CIMAP3: variants seen among roughly 807,000 people sequenced by gnomAD.
CIMAP3 encodes ciliary microtubule-associated protein 3.
chr1:111,326,967 A>T, the CIMAP3 span, among the ~76,000 whole-genome samples: 2 of 151,874 alleles, frequency 1.3e-5, no homozygotes, highest in Non-Finnish European at 2.9e-5. Context: ...GAGTTGTTTT[A>T]CTTCCTTGTA....
At chr1:111,329,464 C>A in the CIMAP3 span, among the ~76,000 whole-genome samples, 1 of 146,634 alleles carries the variant, frequency 6.8e-6, no homozygotes, top group Non-Finnish European at 1.5e-5. Flanking sequence ...CTTTCTTCCC[C>A]TCCCTTTCAG....
chr1:111,342,813 C>T, the CIMAP3 span, among the ~76,000 whole-genome samples: 4 of 152,174 alleles, frequency 2.6e-5, no homozygotes, highest in African/African-American at 9.7e-5. Context: ...TTTCCACATG[C>T]TTGTTCTGGG....
the CIMAP3 span, chr1:111,351,358 T>C: frequency 6.6e-7 from 1 of 1,505,230 alleles, no homozygotes; most frequent in South Asian, 1.3e-5. Flanking sequence ...GTGCTCCTCT[T>C]ATACACAGAC....
the CIMAP3 span, among the ~76,000 whole-genome samples, chr1:111,325,211 G>T: frequency 6.6e-6 from 1 of 151,544 alleles, no homozygotes; most frequent in African/African-American, 2.4e-5. Flanking sequence ...CACTGTATAC[G>T]ATTTGTCCTT....
At chr1:111,333,816 G>T in the CIMAP3 span, among the ~76,000 whole-genome samples, 102 of 152,250 alleles carry the variant, frequency 6.7e-4, no homozygotes, top group Non-Finnish European at 1.2e-3. Context: ...GTCTTCTTTT[G>T]GGGAGTGTCA....
At chr1:111,346,981 T>A in the CIMAP3 span, 1 of 1,613,928 alleles carries the variant, frequency 6.2e-7, no homozygotes, top group Non-Finnish European at 8.5e-7. Flanking sequence ...TCCCCCGAAT[T>A]TGATTGGGAA....
the CIMAP3 span, among the ~76,000 whole-genome samples, chr1:111,335,203 T>A: frequency 3.3e-5 from 5 of 150,134 alleles, no homozygotes; most frequent in African/African-American, 7.4e-5. Context: ...AACAGAAAAT[T>A]TCCTACAAGA....
the CIMAP3 span, among the ~76,000 whole-genome samples, chr1:111,348,103 C>T: frequency 6.6e-6 from 1 of 152,144 alleles, no homozygotes; most frequent in Admixed American, 6.5e-5. Context: ...ATAACAAATT[C>T]CAACTTTTCC....
At chr1:111,331,071 A>T in the CIMAP3 span, among the ~76,000 whole-genome samples, 1,207 of 152,276 alleles carry the variant, frequency 7.9e-3, 16 homozygotes, top group African/African-American at 0.027. Flanking sequence ...ATCTGCTACT[A>T]ATCTAATAGT....
At chr1:111,337,225 A>T in the CIMAP3 span, among the ~76,000 whole-genome samples, 2 of 152,214 alleles carry the variant, frequency 1.3e-5, no homozygotes, top group Non-Finnish European at 2.9e-5. Context: ...AACAACCAGT[A>T]CCAGCCACTG....
the CIMAP3 span, among the ~76,000 whole-genome samples, chr1:111,341,706 G>A: frequency 7.9e-5 from 12 of 152,222 alleles, no homozygotes; most frequent in East Asian, 5.8e-4. Context: ...GTTTAATCCC[G>A]CGTAGTCAGG....
the CIMAP3 span, among the ~76,000 whole-genome samples, chr1:111,342,732 A>G: frequency 9.8e-5 from 15 of 152,370 alleles, 1 homozygote; most frequent in East Asian, 2.3e-3. Context: ...AGGAAACCCA[A>G]GATAGTGGGA....
At chr1:111,336,592 G>GAT in the CIMAP3 span, among the ~76,000 whole-genome samples, 2 of 152,196 alleles carry the variant, frequency 1.3e-5, no homozygotes, top group South Asian at 4.1e-4. Flanking sequence ...AGAAGAAAGG[G>GAT]TATCAGCAAT....
chr1:111,348,590 A>G, the CIMAP3 span: 2 of 1,613,076 alleles, frequency 1.2e-6, no homozygotes, highest in Non-Finnish European at 1.7e-6. Context: ...ATTTTGCTCC[A>G]TTTAATGTCT....
chr1:111,347,909 C>T, the CIMAP3 span: 86 of 625,520 alleles, frequency 1.4e-4, no homozygotes, highest in Non-Finnish European at 1.9e-4. Context: ...TAAGCAAAAG[C>T]TATTAAGAAG....
At chr1:111,351,186 T>C in the CIMAP3 span, 2 of 702,588 alleles carry the variant, frequency 2.8e-6, no homozygotes, top group African/African-American at 4.4e-5. Context: ...TTTTTTTTTT[T>C]GCATAACTGG....
chr1:111,347,972 G>A, the CIMAP3 span, among the ~76,000 whole-genome samples: 8 of 152,190 alleles, frequency 5.3e-5, 1 homozygote, highest in Non-Finnish European at 2.9e-5. Flanking sequence ...TGAGTGTACC[G>A]GGGAGAGTGG....
At chr1:111,337,956 C>T in the CIMAP3 span, among the ~76,000 whole-genome samples, 12 of 149,978 alleles carry the variant, frequency 8.0e-5, no homozygotes, top group African/African-American at 2.7e-4. Flanking sequence ...GTAAAGCTCT[C>T]CTCAGCAAAT....
the CIMAP3 span, among the ~76,000 whole-genome samples, chr1:111,329,745 G>T: frequency 6.6e-6 from 1 of 151,384 alleles, no homozygotes; most frequent in Non-Finnish European, 1.5e-5. Flanking sequence ...GTAGAGACAG[G>T]GTTTCACCAC....
Sources: gnomAD v4.1 joint callset for allele counts (sites outside exome capture counted in the v4.1 genomes callset) on GRCh38, gnomAD v4.1.1 for gene constraint, MANE v1.5 for transcripts, NCBI Gene and HGNC (gene_info 2026-07-23, HGNC 2026-07-21) for gene names.